Variants in PCDH9 observed in about 807,000 individuals in gnomAD.
PCDH9 encodes the protein protocadherin-9.
In PCDH9, 24 loss-of-function variants were observed where a neutral mutation model predicts 70.6. The ratio of observed to expected loss-of-function variants is 0.34; its 90% CI spans 0.25 to 0.48. The LOEUF (loss-of-function observed/expected upper bound fraction) is 0.48. PCDH9 is among the 20% of genes least tolerant of loss of function. PCDH9 has a pLI of 0.99. For synonymous variants in PCDH9, 562 were observed against 558.5 expected (o/e 1.01, Z -0.09); for missense variants, 1,281 against 1,503.6 (o/e 0.85, Z 2.45).
At chr13:66,432,721 G>A (rs901997888) in intron 4 of PCDH9, among the ~76,000 whole-genome samples, 1 of 151,850 alleles carries the variant, frequency 6.6e-6, no homozygotes, top group African/African-American at 2.4e-5. Context: ...TTGAACATAG[G>A]ACTAAAGACA....
chr13:66,690,899 T>C (rs2078474705), intron 3 of PCDH9, among the ~76,000 whole-genome samples: 1 of 152,232 alleles, frequency 6.6e-6, no homozygotes, highest in South Asian at 2.1e-4. Flanking sequence ...CCACATCTCA[T>C]GAACTGCCAG....
intron 2 of PCDH9, among the ~76,000 whole-genome samples, chr13:67,117,402 C>T (rs868572732): frequency 7.2e-5 from 11 of 152,076 alleles, no homozygotes; most frequent in Admixed American, 3.3e-4. Context: ...AGTCAAACTG[C>T]ATATCCAAGT....
chr13:66,341,048 T>C (rs1012930223), intron 4 of PCDH9, among the ~76,000 whole-genome samples: 6 of 152,198 alleles, frequency 3.9e-5, no homozygotes, highest in African/African-American at 9.6e-5. Context: ...TTTAAGTATT[T>C]AGAGTGCAAA....
At chr13:66,781,938 C>G (rs1399609884) in intron 3 of PCDH9, among the ~76,000 whole-genome samples, 2 of 151,948 alleles carry the variant, frequency 1.3e-5, no homozygotes, top group African/African-American at 4.8e-5. Flanking sequence ...ACCTGTGGTT[C>G]TTTATTAAGA....
intron 3 of PCDH9, among the ~76,000 whole-genome samples, chr13:66,831,868 G>C (rs1024354958): frequency 3.8e-5 from 5 of 132,746 alleles, no homozygotes; most frequent in Non-Finnish European, 4.8e-5. Context: ...ACTGTTTATA[G>C]AATTACAAGT....
intron 4 of PCDH9, among the ~76,000 whole-genome samples, chr13:66,474,545 A>T (rs911658116): frequency 3.3e-5 from 5 of 152,158 alleles, no homozygotes; most frequent in Admixed American, 2.6e-4. Flanking sequence ...TATTAAGTAA[A>T]CTAAAAATCA....
At chr13:66,421,372 T>C (rs1313124099) in intron 4 of PCDH9, among the ~76,000 whole-genome samples, 3 of 152,038 alleles carry the variant, frequency 2.0e-5, no homozygotes, top group Non-Finnish European at 4.4e-5. Context: ...AGACACATAA[T>C]TGTCAGATTA....
intron 4 of PCDH9, among the ~76,000 whole-genome samples, chr13:66,347,518 A>G (rs149228320): frequency 1.3e-5 from 2 of 152,334 alleles, no homozygotes; most frequent in African/African-American, 4.8e-5. Context: ...CCACTTCCCA[A>G]AAAACATCAC....
chr13:66,677,835 T>C (rs1489345738), intron 3 of PCDH9, among the ~76,000 whole-genome samples: 1 of 152,112 alleles, frequency 6.6e-6, no homozygotes, highest in Non-Finnish European at 1.5e-5. Flanking sequence ...GATATTTCTT[T>C]ATAGCAATAC....
intron 4 of PCDH9, among the ~76,000 whole-genome samples, chr13:66,460,747 G>A (rs1234769654): frequency 6.6e-6 from 1 of 151,712 alleles, no homozygotes; most frequent in Non-Finnish European, 1.5e-5. Context: ...GAGTGACAGA[G>A]ACGAAGAGCT....
intron 3 of PCDH9, among the ~76,000 whole-genome samples, chr13:66,716,982 T>A (rs1415960389): frequency 1.3e-5 from 2 of 152,184 alleles, no homozygotes; most frequent in Non-Finnish European, 2.9e-5. Flanking sequence ...GTTCCTAGTT[T>A]GGTTAAATAT....
At chr13:66,925,937 T>C (rs1038467742) in intron 2 of PCDH9, among the ~76,000 whole-genome samples, 1 of 152,008 alleles carries the variant, frequency 6.6e-6, no homozygotes, top group African/African-American at 2.4e-5. Context: ...GATGTTATAT[T>C]TCCACAGATT....
chr13:66,710,900 C>G (rs576986859), intron 3 of PCDH9, among the ~76,000 whole-genome samples: 1 of 152,236 alleles, frequency 6.6e-6, no homozygotes, highest in Admixed American at 6.5e-5. Context: ...CCTCTTTCTT[C>G]CACTTTTAAG....
chr13:66,676,811 G>C (rs980291119), intron 3 of PCDH9, among the ~76,000 whole-genome samples: 8 of 152,100 alleles, frequency 5.3e-5, no homozygotes, highest in African/African-American at 1.9e-4. Context: ...TGCAGATCAT[G>C]TGTCTCCTAT....
chr13:66,909,054 C>A (rs868553902), intron 2 of PCDH9, among the ~76,000 whole-genome samples: 2 of 151,776 alleles, frequency 1.3e-5, no homozygotes, highest in Admixed American at 6.6e-5. Flanking sequence ...TATACAGAGT[C>A]TGTTTTTTTT....
At chr13:66,674,474 T>C (rs1231735438) in intron 3 of PCDH9, among the ~76,000 whole-genome samples, 1 of 152,120 alleles carries the variant, frequency 6.6e-6, no homozygotes. Flanking sequence ...TTAAAACTAC[T>C]GTAAATGACC....
chr13:67,029,187 C>T (rs1370455894), intron 2 of PCDH9, among the ~76,000 whole-genome samples: 1 of 151,980 alleles, frequency 6.6e-6, no homozygotes, highest in African/African-American at 2.4e-5. Flanking sequence ...TTTTTCTCAT[C>T]ACAAAGAAAG....
chr13:66,410,785 A>G (rs1305122527), intron 4 of PCDH9, among the ~76,000 whole-genome samples: 1 of 152,224 alleles, frequency 6.6e-6, no homozygotes, highest in Admixed American at 6.5e-5. Flanking sequence ...ACCATAGTAG[A>G]AAATAAAATG....
intron 4 of PCDH9, among the ~76,000 whole-genome samples, chr13:66,561,116 C>T (rs545007565): frequency 3.8e-4 from 58 of 152,342 alleles, no homozygotes; most frequent in Admixed American, 7.8e-4. Context: ...TGAGCCAGCG[C>T]GAGTTCCGGG....
Sources: gnomAD v4.1 joint callset for allele counts (sites outside exome capture counted in the v4.1 genomes callset) on GRCh38, gnomAD v4.1.1 for gene constraint, MANE v1.5 for transcripts, NCBI Gene and HGNC (gene_info 2026-07-23, HGNC 2026-07-21) for gene names.